RAB27A: variants seen among roughly 807,000 people sequenced by gnomAD.
RAB27A encodes RAB27A, member RAS oncogene family, also known as ras-related protein Rab-27A.
RAB27A carries 17 observed loss-of-function variants against 20.8 expected under a neutral mutation model. The observed-to-expected ratio is 0.82, with a 90% confidence interval of 0.56 to 1.23. The LOEUF is 1.23. Among genes scored for constraint, RAB27A ranks in the 50% most tolerant of loss-of-function variants. The pLI, the probability that RAB27A is intolerant of heterozygous loss-of-function variation, is 0.00. For missense variants in RAB27A, 277 were observed against 266.7 expected (o/e 1.04, Z -0.27); for synonymous variants, 85 against 92.8 (o/e 0.92, Z 0.48).
chr15:55,307,006 C>T (rs2054999739), intron 2 of RAB27A, among the ~76,000 whole-genome samples: 1 of 151,974 alleles, frequency 6.6e-6, no homozygotes, highest in Non-Finnish European at 1.5e-5. Context: ...TCGGCAGTAT[C>T]CAGGGTTTGA....
At chr15:55,278,756 A>G (rs1033666007) in intron 1 of RAB27A, among the ~76,000 whole-genome samples, 1 of 152,170 alleles carries the variant, frequency 6.6e-6, no homozygotes, top group Admixed American at 6.5e-5. Flanking sequence ...TGCTGGGATT[A>G]CAGGCGTGAG....
chr15:55,319,066 C>G (rs2055098742), exon 1 of RAB27A: 3 of 675,938 alleles, frequency 4.4e-6, no homozygotes, highest in Non-Finnish European at 4.7e-6. Context: ...AGCAATCCCT[C>G]GGTTCGGAAA....
intron 2 of RAB27A, among the ~76,000 whole-genome samples, chr15:55,267,117 G>A (rs913525943): frequency 6.6e-6 from 1 of 152,192 alleles, no homozygotes; most frequent in African/African-American, 2.4e-5. Context: ...GTACAAACTT[G>A]AAGTGGTCTG....
At chr15:55,311,830 G>C (rs191301545) in intron 2 of RAB27A, among the ~76,000 whole-genome samples, 4 of 152,106 alleles carry the variant, frequency 2.6e-5, no homozygotes, top group Non-Finnish European at 2.9e-5. Context: ...TTCTGCCTTG[G>C]GGGGAACGTT....
At chr15:55,221,166 G>A (rs1381773689) in intron 6 of RAB27A, among the ~76,000 whole-genome samples, 1 of 152,200 alleles carries the variant, frequency 6.6e-6, no homozygotes, top group East Asian at 1.9e-4. Context: ...CAGGAAACAA[G>A]CAAAGGGCTG....
At chr15:55,260,250 C>G (rs1897226979) in intron 2 of RAB27A, among the ~76,000 whole-genome samples, 1 of 152,148 alleles carries the variant, frequency 6.6e-6, no homozygotes, top group Non-Finnish European at 1.5e-5. Flanking sequence ...CACTATACAC[C>G]TATCAGAATG....
intron 2 of RAB27A, among the ~76,000 whole-genome samples, chr15:55,255,977 C>T (rs951143089): frequency 6.6e-6 from 1 of 152,180 alleles, no homozygotes; most frequent in African/African-American, 2.4e-5. Context: ...CACACTGTTT[C>T]CTCAATATGG....
chr15:55,237,535 T>C (rs776889188), intron 2 of RAB27A: 1 of 152,218 alleles, frequency 6.6e-6, no homozygotes, highest in Non-Finnish European at 1.5e-5. Flanking sequence ...TATTTGCAAG[T>C]ATAGGTCACC....
intron 2 of RAB27A, among the ~76,000 whole-genome samples, chr15:55,258,526 G>A (rs1020976569): frequency 6.6e-6 from 1 of 152,172 alleles, no homozygotes; most frequent in Non-Finnish European, 1.5e-5. Context: ...ACACCAGGGG[G>A]AGTCACCTCC....
chr15:55,225,426 T>C (rs1895758548), intron 5 of RAB27A, among the ~76,000 whole-genome samples: 1 of 152,236 alleles, frequency 6.6e-6, no homozygotes, highest in South Asian at 2.1e-4. Flanking sequence ...CCAGTGATTC[T>C]GCAGGTAAAG....
intron 1 of RAB27A, among the ~76,000 whole-genome samples, chr15:55,279,409 C>G (rs1367051363): frequency 6.6e-6 from 1 of 152,188 alleles, no homozygotes; most frequent in East Asian, 1.9e-4. Flanking sequence ...ATTAGGATCT[C>G]TGCAAGGGAG....
At chr15:55,246,120 T>C (rs1185528278) in intron 2 of RAB27A, among the ~76,000 whole-genome samples, 5 of 151,134 alleles carry the variant, frequency 3.3e-5, no homozygotes, top group Non-Finnish European at 7.4e-5. Flanking sequence ...TAAATATATA[T>C]ACACATTTAT....
In RAB27A at chr15:55,230,392, A is replaced by T. The variant is rs1279993676; in HGVS notation, c.239+9T>A. The T allele has an allele frequency of 1.3e-6, 2 of 1,599,990 alleles. No homozygotes were observed. Among genetic ancestry groups the T allele is most frequent in the South Asian group, 1.1e-5 (1 of 90,792 alleles). The stretch of plus-strand genomic sequence containing the variant: ...TTCAGTAAGGAGCACATAACTGAAG[A>T]TCTCATACCTCTCCTGCCCTGCTGT... On this transcript the variant is annotated intron_variant, in intron 4 of 6. Coordinates refer to ENST00000336787, the MANE Select transcript of RAB27A (RefSeq NM_183235.3).
chr15:55,254,417 A>C (rs1039996910), intron 2 of RAB27A, among the ~76,000 whole-genome samples: 10 of 152,130 alleles, frequency 6.6e-5, no homozygotes, highest in Non-Finnish European at 5.9e-5. Flanking sequence ...ATGAATGTCT[A>C]AGAAATAAAA....
In RAB27A at chr15:55,301,250, G is replaced by A. The variant is rs78448747; in HGVS notation, c.-112+12789C>T. Among the ~76,000 whole-genome samples the A allele has an allele frequency of 7.6e-4, 116 of 152,138 alleles. 1 individual carries two copies. In the East Asian group the frequency reaches 0.019, roughly 25 times the overall value. ...TGGGATCACAGGCACAAACTACCAC[G>A]CTCGGCTAATTTTTCTATTTTTGGT... On this transcript the variant is annotated intron_variant, in intron 2 of 5. Transcript: ENST00000563262.
chr15:55,249,517 G>GT (rs1200045468), intron 2 of RAB27A, among the ~76,000 whole-genome samples: 1 of 152,172 alleles, frequency 6.6e-6, no homozygotes, highest in Non-Finnish European at 1.5e-5. Flanking sequence ...CTGGGCTCAA[G>GT]TGATCCTCCT....
At position 55,204,441 on chromosome 15, in the gene RAB27A, C is replaced by A. The variant is rs1164323019; in HGVS notation, c.*1066G>T. ...TGACTGCTTCAATATGAACATCTATCTTCCACCAAATAGCAAACAGGCATC... is the reference window on the plus strand; with the variant it reads ...TGACTGCTTCAATATGAACATCTATATTCCACCAAATAGCAAACAGGCATC... On this transcript the variant is annotated 3_prime_UTR_variant, in exon 7 of 7. Transcript: ENST00000336787. 6.6e-6 allele frequency: 1 copy of A among 152,214 alleles called. No individual in the cohort carries two copies. The highest frequency in any genetic ancestry group is 1.5e-5 in the Non-Finnish European group (1 of 68,044). The allele number at this position is 152,214 out of a possible 1,614,324, so 9.4% of individuals were successfully genotyped here. A position where few individuals can be genotyped will look rare whatever the true frequency, so the allele number is the denominator to read the frequency against.
intron 2 of RAB27A, among the ~76,000 whole-genome samples, chr15:55,246,555 C>T (rs111717030): frequency 6.6e-6 from 1 of 150,836 alleles, no homozygotes; most frequent in Non-Finnish European, 1.5e-5. Context: ...AACACTGGGT[C>T]TTATAGTACT....
chr15:55,242,599 A>C (rs1278172925), intron 2 of RAB27A, among the ~76,000 whole-genome samples: 1 of 152,186 alleles, frequency 6.6e-6, no homozygotes, highest in Non-Finnish European at 1.5e-5. Flanking sequence ...AAGGCATGTA[A>C]TTTTATAACC....
Sources: gnomAD v4.1 joint callset for allele counts (sites outside exome capture counted in the v4.1 genomes callset) on GRCh38, gnomAD v4.1.1 for gene constraint, MANE v1.5 for transcripts, NCBI Gene and HGNC (gene_info 2026-07-23, HGNC 2026-07-21) for gene names.